The following TENM3 variants were observed in gnomAD, a reference collection of about 807,000 sequenced individuals.
The protein encoded by TENM3 is teneurin transmembrane protein 3.
A neutral mutation model predicts 255.1 loss-of-function variants in TENM3; 63 were observed. That is an observed-to-expected ratio of 0.25 (90% CI 0.20 to 0.30). The LOEUF (loss-of-function observed/expected upper bound fraction) is 0.30. Ranked by LOEUF, TENM3 falls within the 10% of genes least tolerant of loss-of-function variation. The pLI is 1.00. For synonymous variants in TENM3, 1,306 were observed against 1,322.3 expected (o/e 0.99, Z 0.27); for missense variants, 2,929 against 3,461.1 (o/e 0.85, Z 3.86).
chr4:182,588,599 G>A (rs1178011467), intron 3 of TENM3, among the ~76,000 whole-genome samples: 1 of 152,146 alleles, frequency 6.6e-6, no homozygotes, highest in Admixed American at 6.5e-5. Context: ...GATTGGGACA[G>A]CTTCTTCCTT....
chr4:182,314,439 C>T (rs1277281299), intron 1 of TENM3, among the ~76,000 whole-genome samples: 1 of 152,222 alleles, frequency 6.6e-6, no homozygotes, highest in Non-Finnish European at 1.5e-5. Flanking sequence ...TCAATGGTCA[C>T]TGTGCTTTGT....
At chr4:182,364,868 C>G (rs1308873859) in intron 3 of TENM3, among the ~76,000 whole-genome samples, 1 of 152,186 alleles carries the variant, frequency 6.6e-6, no homozygotes, top group Non-Finnish European at 1.5e-5. Flanking sequence ...AGTGATTCTG[C>G]AATAATGATC....
chr4:181,852,465 G>A, the TENM3 span, among the ~76,000 whole-genome samples: 1 of 152,056 alleles, frequency 6.6e-6, no homozygotes, highest in Non-Finnish European at 1.5e-5. Flanking sequence ...ACTTTTTCAT[G>A]GGGTTCACTT....
the TENM3 span, among the ~76,000 whole-genome samples, chr4:181,600,167 A>C: frequency 3.9e-5 from 6 of 152,324 alleles, no homozygotes; most frequent in Admixed American, 3.9e-4. Context: ...GTTGTGATTC[A>C]ATCATTTTCA....
chr4:182,214,973 A>G (rs1755355363), intron 1 of TENM3, among the ~76,000 whole-genome samples: 1 of 152,182 alleles, frequency 6.6e-6, no homozygotes, highest in Non-Finnish European at 1.5e-5. Flanking sequence ...CCTTTAACAA[A>G]ATCGTGGCAC....
chr4:181,964,658 C>T, the TENM3 span, among the ~76,000 whole-genome samples: 1 of 151,936 alleles, frequency 6.6e-6, no homozygotes, highest in Non-Finnish European at 1.5e-5. Context: ...TTCTTCTTCT[C>T]GTCTATATGA....
rs113510574 is a variant in TENM3 at position 182,178,407 on chromosome 4, TC to T, written c.-76+33654del. On this transcript the variant is annotated intron_variant, in intron 1 of 2. Transcript: ENST00000512480. ...TACCTTCACAACACTGTTGCTCTTC[TC>T]TGTGGCTTTTGTAGTGATTCAAACA... Among the ~76,000 whole-genome samples, 8 of 152,326 alleles carry T rather than the reference TC, an allele frequency of 5.3e-5. 1 individual carries two copies. Among genetic ancestry groups the T allele is most frequent in the African/African-American group, 1.9e-4 (8 of 41,574 alleles).
the TENM3 span, among the ~76,000 whole-genome samples, chr4:181,790,517 A>G: frequency 6.6e-6 from 1 of 152,218 alleles, no homozygotes; most frequent in African/African-American, 2.4e-5. Context: ...TCCAAGCTGC[A>G]AAGTGTAACT....
At chr4:182,708,315 G>A (rs1758448887) in intron 12 of TENM3, among the ~76,000 whole-genome samples, 1 of 152,174 alleles carries the variant, frequency 6.6e-6, no homozygotes, top group Non-Finnish European at 1.5e-5. Flanking sequence ...CCTGGTCAGA[G>A]CTACGAGATA....
In TENM3 at chr4:182,795,780, A is replaced by G. The variant is rs552699583; in HGVS notation, c.7214-857A>G. On this transcript the variant is annotated intron_variant, in intron 26 of 27. Transcript: ENST00000511685. ...GCAGCATTTTCTGAAAAACATCAAA[A>G]GAGAGATGGAACAGCATAAAATATA... 2.6e-4 allele frequency among the ~76,000 whole-genome samples: 39 copies of G among 152,340 alleles called. 1 individual carries two copies. The South Asian group carries it at 2.7e-3, about 11-fold the overall frequency.
At chr4:182,120,942 C>T in the TENM3 span, among the ~76,000 whole-genome samples, 2 of 152,202 alleles carry the variant, frequency 1.3e-5, no homozygotes, top group African/African-American at 2.4e-5. Context: ...GACTTGTATA[C>T]GCATTGTAGG....
At chr4:181,915,267 T>C in the TENM3 span, among the ~76,000 whole-genome samples, 1 of 152,164 alleles carries the variant, frequency 6.6e-6, no homozygotes, top group Non-Finnish European at 1.5e-5. Context: ...AAGGCTACTG[T>C]TATGTTTTAG....
intron 3 of TENM3, among the ~76,000 whole-genome samples, chr4:182,534,158 G>A (rs1740047578): frequency 6.6e-6 from 1 of 152,148 alleles, no homozygotes; most frequent in Non-Finnish European, 1.5e-5. Flanking sequence ...TGACATCATA[G>A]TACAATACCA....
chr4:182,218,410 T>A (rs1755640024), intron 1 of TENM3, among the ~76,000 whole-genome samples: 1 of 152,230 alleles, frequency 6.6e-6, no homozygotes, highest in Admixed American at 6.5e-5. Flanking sequence ...AATTTCATGA[T>A]AACTTCCTGG....
At chr4:181,776,562 G>A in the TENM3 span, among the ~76,000 whole-genome samples, 4 of 151,838 alleles carry the variant, frequency 2.6e-5, no homozygotes, top group Non-Finnish European at 5.9e-5. Context: ...CCTTTTCTCT[G>A]CATCCATCCT....
intron 3 of TENM3, among the ~76,000 whole-genome samples, chr4:182,419,275 A>G (rs1770618853): frequency 6.6e-6 from 1 of 152,206 alleles, no homozygotes; most frequent in Non-Finnish European, 1.5e-5. Context: ...AAAAATGCTC[A>G]TCATCACTGG....
At chr4:182,024,932 T>C in the TENM3 span, among the ~76,000 whole-genome samples, 1 of 152,212 alleles carries the variant, frequency 6.6e-6, no homozygotes, top group Non-Finnish European at 1.5e-5. Flanking sequence ...AGTGAGAACA[T>C]GCACTGCTTG....
intron 3 of TENM3, among the ~76,000 whole-genome samples, chr4:182,373,687 G>A (rs543848854): frequency 1.9e-4 from 29 of 152,218 alleles, no homozygotes; most frequent in African/African-American, 6.3e-4. Context: ...ATTTCAACAT[G>A]AGATTTAAAG....
At chr4:181,944,518 T>A in the TENM3 span, among the ~76,000 whole-genome samples, 1 of 152,136 alleles carries the variant, frequency 6.6e-6, no homozygotes, top group African/African-American at 2.4e-5. Context: ...GAAATAATGT[T>A]TCACCAGAGA....
Sources: gnomAD v4.1 joint callset for allele counts (sites outside exome capture counted in the v4.1 genomes callset) on GRCh38, gnomAD v4.1.1 for gene constraint, MANE v1.5 for transcripts, NCBI Gene and HGNC (gene_info 2026-07-23, HGNC 2026-07-21) for gene names.